PTPRR: variants seen among roughly 807,000 people sequenced by gnomAD.
The protein encoded by PTPRR is receptor-type tyrosine-protein phosphatase R.
A neutral mutation model predicts 77.2 loss-of-function variants in PTPRR; 38 were observed. The observed-to-expected ratio is 0.49, with a 90% confidence interval of 0.38 to 0.65. The LOEUF (loss-of-function observed/expected upper bound fraction) is 0.65. Among genes scored for constraint, PTPRR ranks in the 30% least tolerant of loss-of-function variants. PTPRR has a pLI of 0.00. For missense variants in PTPRR, 744 were observed against 799.2 expected (o/e 0.93, Z 0.83); for synonymous variants, 299 against 283.1 (o/e 1.06, Z -0.57).
At chr12:70,804,281 T>G (rs955911005) in intron 2 of PTPRR, among the ~76,000 whole-genome samples, 3 of 151,952 alleles carry the variant, frequency 2.0e-5, no homozygotes, top group Non-Finnish European at 2.9e-5. Context: ...CTGGGCCGGG[T>G]GCAGTGGCTC....
At chr12:70,727,266 A>G (rs1385137568) in intron 6 of PTPRR, among the ~76,000 whole-genome samples, 2 of 151,998 alleles carry the variant, frequency 1.3e-5, no homozygotes, top group African/African-American at 4.8e-5. Flanking sequence ...TCAGGCACTT[A>G]TTAATTCAAA....
chr12:70,771,414 G>T (rs1890974196), intron 2 of PTPRR, among the ~76,000 whole-genome samples: 1 of 152,036 alleles, frequency 6.6e-6, no homozygotes, highest in African/African-American at 2.4e-5. Context: ...AGGGAGGGAA[G>T]GGGGTGAGGG....
intron 6 of PTPRR, among the ~76,000 whole-genome samples, chr12:70,716,662 C>T (rs553743927): frequency 5.9e-4 from 90 of 152,248 alleles, no homozygotes; most frequent in African/African-American, 2.1e-3. Context: ...ATATCAGCTA[C>T]AAGTACTATT....
At chr12:70,916,969 T>A (rs923030072) in intron 1 of PTPRR, among the ~76,000 whole-genome samples, 22 of 152,172 alleles carry the variant, frequency 1.4e-4, no homozygotes, top group African/African-American at 4.8e-4. Context: ...AGCAAAACAT[T>A]CCCTAGGAAA....
At chr12:70,879,216 C>T (rs1440252565) in intron 2 of PTPRR, among the ~76,000 whole-genome samples, 2 of 152,056 alleles carry the variant, frequency 1.3e-5, no homozygotes, top group Non-Finnish European at 2.9e-5. Flanking sequence ...CAAACCTGCA[C>T]ATTGCACACA....
At chr12:70,675,555 TC>T (rs1284890883) in intron 10 of PTPRR, among the ~76,000 whole-genome samples, 1 of 152,034 alleles carries the variant, frequency 6.6e-6, no homozygotes, top group Non-Finnish European at 1.5e-5. Context: ...TTAACTTTCC[TC>T]ATCTTCTCAA....
At chr12:70,814,085 A>G (rs1483367192) in intron 2 of PTPRR, among the ~76,000 whole-genome samples, 1 of 152,230 alleles carries the variant, frequency 6.6e-6, no homozygotes, top group African/African-American at 2.4e-5. Context: ...CAGTGTCCAT[A>G]AATTTTTTCT....
chr12:70,717,460 G>A (rs1030537804), intron 6 of PTPRR, among the ~76,000 whole-genome samples: 1 of 152,146 alleles, frequency 6.6e-6, no homozygotes, highest in African/African-American at 2.4e-5. Context: ...ACACAAATGA[G>A]TCTAAGTACT....
chr12:70,917,608 C>T (rs1166072586), intron 1 of PTPRR, among the ~76,000 whole-genome samples: 1 of 152,128 alleles, frequency 6.6e-6, no homozygotes, highest in Non-Finnish European at 1.5e-5. Context: ...ATGGTACCCA[C>T]TCCTCATTTT....
chr12:70,758,930 C>CTCT (rs1890624211), intron 4 of PTPRR, among the ~76,000 whole-genome samples: 1 of 126,342 alleles, frequency 7.9e-6, no homozygotes, highest in Admixed American at 7.6e-5. Flanking sequence ...TGGCTATTTG[C>CTCT]TCTTGTTGTT....
intron 2 of PTPRR, among the ~76,000 whole-genome samples, chr12:70,890,875 G>A (rs1256889523): frequency 1.3e-5 from 2 of 152,062 alleles, no homozygotes; most frequent in South Asian, 2.1e-4. Context: ...TGTATGGAAT[G>A]GGTCTTCAAA....
chr12:70,872,496 C>A (rs1350887288), intron 2 of PTPRR, among the ~76,000 whole-genome samples: 1 of 151,714 alleles, frequency 6.6e-6, no homozygotes, highest in Non-Finnish European at 1.5e-5. Flanking sequence ...GAGATCGAGA[C>A]CATCCTGGCT....
chr12:70,915,883 A>C (rs1396400386), intron 1 of PTPRR, among the ~76,000 whole-genome samples: 2 of 152,200 alleles, frequency 1.3e-5, no homozygotes, highest in Admixed American at 6.5e-5. Context: ...ACTGTATTAC[A>C]TTATTTATTT....
At chr12:70,759,315 A>G (rs753956257) in intron 4 of PTPRR, among the ~76,000 whole-genome samples, 1 of 152,148 alleles carries the variant, frequency 6.6e-6, no homozygotes, top group Non-Finnish European at 1.5e-5. Context: ...CACAGATCAA[A>G]TGACATGTCA....
At chr12:70,731,529 G>A (rs1002258000) in intron 6 of PTPRR, among the ~76,000 whole-genome samples, 11 of 152,180 alleles carry the variant, frequency 7.2e-5, no homozygotes, top group African/African-American at 2.7e-4. Context: ...AACAGGTTCA[G>A]GATAGAGTCT....
At chr12:70,891,267 A>G (rs1365746492) in intron 2 of PTPRR, among the ~76,000 whole-genome samples, 1 of 152,132 alleles carries the variant, frequency 6.6e-6, no homozygotes, top group Non-Finnish European at 1.5e-5. Flanking sequence ...ACATGACATT[A>G]CAAGATAGAA....
chr12:70,653,078 G>C (rs1337501255), intron 13 of PTPRR, among the ~76,000 whole-genome samples: 1 of 152,144 alleles, frequency 6.6e-6, no homozygotes, highest in Non-Finnish European at 1.5e-5. Context: ...CATTCATGGA[G>C]TTCTGGCACT....
intron 2 of PTPRR, among the ~76,000 whole-genome samples, chr12:70,850,290 CAG>C (rs1892550991): frequency 6.6e-6 from 1 of 151,636 alleles, no homozygotes. Flanking sequence ...ACCCAGGAGA[CAG>C]AGGTTGCAGT....
intron 4 of PTPRR, among the ~76,000 whole-genome samples, chr12:70,758,594 G>C (rs757241371): frequency 6.6e-6 from 1 of 152,100 alleles, no homozygotes; most frequent in Non-Finnish European, 1.5e-5. Context: ...CAGTCAGTCC[G>C]TGTAGGGCCT....
Sources: allele counts gnomAD v4.1 joint callset (sites outside exome capture counted in the v4.1 genomes callset), GRCh38; gene constraint gnomAD v4.1.1; transcripts MANE v1.5; gene names NCBI Gene and HGNC (gene_info 2026-07-23, HGNC 2026-07-21).